SYT1: variants seen among roughly 807,000 people sequenced by gnomAD.
SYT1 encodes the protein synaptotagmin-1.
A neutral mutation model predicts 44.8 loss-of-function variants in SYT1; 8 were observed. The observed-to-expected ratio is 0.18, with a 90% CI of 0.10 to 0.32. The LOEUF (loss-of-function observed/expected upper bound fraction) is 0.32, where lower values mean the gene tolerates loss of function less well. Among genes scored for constraint, SYT1 ranks in the 10% least tolerant of loss-of-function variants. SYT1 has a pLI of 1.00. For synonymous variants in SYT1, 154 were observed against 188.8 expected, an observed-to-expected ratio of 0.82 and a Z score of 1.51; for missense variants, 286 against 509.3, an observed-to-expected ratio of 0.56 and a Z score of 4.22.
At chr12:78,943,842 T>C (rs1011905914) in intron 1 of SYT1, among the ~76,000 whole-genome samples, 3 of 152,194 alleles carry the variant, frequency 2.0e-5, no homozygotes, top group Non-Finnish European at 2.9e-5. Context: ...ATTTCCCTGA[T>C]AAAATGACAT....
intron 3 of SYT1, among the ~76,000 whole-genome samples, chr12:79,132,415 C>CTCCAGCCT (rs1203775580): frequency 6.6e-6 from 1 of 150,756 alleles, no homozygotes; most frequent in Non-Finnish European, 1.5e-5. Context: ...CACCACTGCA[C>CTCCAGCCT]TCCAGCCTGA....
intron 8 of SYT1, among the ~76,000 whole-genome samples, chr12:79,347,985 G>A (rs1198879013): frequency 9.9e-5 from 15 of 152,130 alleles, no homozygotes; most frequent in African/African-American, 3.6e-4. Context: ...GAATATTGCT[G>A]ACAGAAGGAA....
At chr12:79,197,356 G>A (rs1379627308) in intron 3 of SYT1, among the ~76,000 whole-genome samples, 2 of 152,094 alleles carry the variant, frequency 1.3e-5, no homozygotes, top group African/African-American at 4.8e-5. Context: ...CTTTTGTTGC[G>A]ATATTAGGGT....
intron 10 of SYT1, among the ~76,000 whole-genome samples, chr12:79,447,557 T>C (rs1174619840): frequency 1.3e-5 from 2 of 152,194 alleles, no homozygotes; most frequent in African/African-American, 4.8e-5. Context: ...AATCAAACTC[T>C]AAAAACTTCT....
At chr12:78,877,316 A>T (rs924978778) in intron 1 of SYT1, among the ~76,000 whole-genome samples, 1 of 151,472 alleles carries the variant, frequency 6.6e-6, no homozygotes. Context: ...CGTGAGACTT[A>T]TTCACTATCA....
At chr12:79,310,691 T>C (rs966665916) in intron 8 of SYT1, among the ~76,000 whole-genome samples, 11 of 152,238 alleles carry the variant, frequency 7.2e-5, no homozygotes, top group Non-Finnish European at 1.5e-4. Context: ...TTTATTTCAT[T>C]GAGCAGTGGT....
intron 3 of SYT1, among the ~76,000 whole-genome samples, chr12:79,121,191 A>G (rs141350268): frequency 7.0e-4 from 106 of 152,020 alleles, no homozygotes; most frequent in African/African-American, 2.3e-3. Flanking sequence ...CCATTTTCCA[A>G]TCACGAGCAT....
At chr12:78,987,324 G>T (rs925323007) in intron 2 of SYT1, among the ~76,000 whole-genome samples, 1 of 151,952 alleles carries the variant, frequency 6.6e-6, no homozygotes, top group Non-Finnish European at 1.5e-5. Context: ...TAGACAAAAA[G>T]ATACATCTCT....
chr12:78,925,308 T>A (rs915447299), intron 1 of SYT1, among the ~76,000 whole-genome samples: 1 of 151,964 alleles, frequency 6.6e-6, no homozygotes, highest in Non-Finnish European at 1.5e-5. Context: ...AAACTGTTAA[T>A]CTAGGAATCT....
At chr12:79,340,446 C>G (rs534998351) in intron 8 of SYT1, among the ~76,000 whole-genome samples, 2 of 152,096 alleles carry the variant, frequency 1.3e-5, no homozygotes, top group Non-Finnish European at 2.9e-5. Flanking sequence ...TGAATGGGAG[C>G]TCACTCATGA....
intron 9 of SYT1, among the ~76,000 whole-genome samples, chr12:79,363,298 C>A (rs550926133): frequency 1.3e-5 from 2 of 152,134 alleles, no homozygotes; most frequent in Non-Finnish European, 2.9e-5. Flanking sequence ...CGGTGCTATT[C>A]CCCCTTCCTT....
chr12:79,283,062 T>C (rs1879129543), intron 4 of SYT1, among the ~76,000 whole-genome samples: 1 of 152,164 alleles, frequency 6.6e-6, no homozygotes, highest in South Asian at 2.1e-4. Flanking sequence ...AATTTTAACA[T>C]GAGCATCCAA....
intron 8 of SYT1, among the ~76,000 whole-genome samples, chr12:79,306,782 TA>T (rs1333333602): frequency 1.3e-5 from 2 of 152,192 alleles, no homozygotes; most frequent in Admixed American, 1.3e-4. Flanking sequence ...TTCATGTGTA[TA>T]AGCTGGCAGA....
At chr12:79,194,545 TC>T (rs1265123614) in intron 3 of SYT1, among the ~76,000 whole-genome samples, 1 of 152,030 alleles carries the variant, frequency 6.6e-6, no homozygotes, top group Non-Finnish European at 1.5e-5. Context: ...TCCCCCTGCC[TC>T]GACCTCCCAA....
intron 6 of SYT1, among the ~76,000 whole-genome samples, 181 bp downstream of exon 6, chr12:79,292,311 G>A (rs1422147698): frequency 6.6e-6 from 1 of 152,166 alleles, no homozygotes; most frequent in East Asian, 1.9e-4. Context: ...TTAACTTCTG[G>A]TAATTAGAAT....
intron 9 of SYT1, among the ~76,000 whole-genome samples, chr12:79,377,155 A>G (rs1884030324): frequency 6.6e-6 from 1 of 151,918 alleles, no homozygotes; most frequent in Non-Finnish European, 1.5e-5. Flanking sequence ...TCCATTGCCC[A>G]GGCTGGAGTG....
At chr12:79,072,755 C>T (rs1469524043) in intron 3 of SYT1, among the ~76,000 whole-genome samples, 9 of 151,934 alleles carry the variant, frequency 5.9e-5, no homozygotes, top group African/African-American at 1.5e-4. Context: ...ATGGATATTC[C>T]AGAGAAATGG....
intron 1 of SYT1, among the ~76,000 whole-genome samples, chr12:78,950,279 T>C (rs991245856): frequency 6.6e-6 from 1 of 152,100 alleles, no homozygotes; most frequent in Non-Finnish European, 1.5e-5. Context: ...CTACAGTGTT[T>C]AATTAAATAA....
chr12:78,914,543 T>C lies in SYT1; in HGVS notation c.-217+49434T>C, dbSNP rs142216100. Among the ~76,000 whole-genome samples, 233 of 152,028 alleles carry C rather than the reference T, an allele frequency of 1.5e-3. 1 individual carries two copies. The highest frequency in any genetic ancestry group is 5.4e-3 in the African/African-American group (223 of 41,518). On this transcript the variant is annotated intron_variant, in intron 1 of 10. Coordinates refer to ENST00000261205, the MANE Select transcript of SYT1 (RefSeq NM_005639.3). Reference sequence around the variant, plus strand: ...TGATAGATATGTGAGTATAGATAGATAGAGCGATAGATGATAGATAGGTAG... The same window carrying C: ...TGATAGATATGTGAGTATAGATAGACAGAGCGATAGATGATAGATAGGTAG...
Sources: allele counts gnomAD v4.1 joint callset (sites outside exome capture counted in the v4.1 genomes callset), GRCh38; gene constraint gnomAD v4.1.1; transcripts MANE v1.5; gene names NCBI Gene and HGNC (gene_info 2026-07-23, HGNC 2026-07-21).